ZNRF2: variants seen among roughly 807,000 people sequenced by gnomAD.
ZNRF2 encodes zinc and ring finger 2.
Under a neutral mutation model 20.4 loss-of-function variants are expected in ZNRF2, and 16 were observed. The ratio of observed to expected loss-of-function variants is 0.79; its 90% confidence interval spans 0.53 to 1.19. The LOEUF is 1.19. Among genes scored for constraint, ZNRF2 ranks in the 50% most tolerant of loss-of-function variants. The pLI, the probability that ZNRF2 is intolerant of heterozygous loss-of-function variation, is 0.00. For missense variants in ZNRF2, 363 were observed against 332.4 expected (o/e 1.09, Z -0.72); for synonymous variants, 178 against 144.9 (o/e 1.23, Z -1.64).
At chr7:30,359,499 A>G (rs1450890452) in intron 3 of ZNRF2, among the ~76,000 whole-genome samples, 1 of 152,202 alleles carries the variant, frequency 6.6e-6, no homozygotes, top group Non-Finnish European at 1.5e-5. Flanking sequence ...TACTGGTTCT[A>G]CATAAGATTT....
chr7:30,323,855 G>A (rs1799512002), intron 2 of ZNRF2, 118 bp downstream of exon 2: 1 of 622,236 alleles, frequency 1.6e-6, no homozygotes, highest in Admixed American at 3.8e-5. Context: ...ATTTTTACTA[G>A]TGCATTAATG....
intron 2 of ZNRF2, among the ~76,000 whole-genome samples, chr7:30,329,192 A>G (rs549930475): frequency 1.3e-5 from 2 of 152,330 alleles, no homozygotes; most frequent in East Asian, 3.9e-4. Context: ...ATAGGGGTCC[A>G]TGTGATATTC....
chr7:30,299,145 C>T lies in ZNRF2; in HGVS notation c.469+13319C>T, dbSNP rs553802259. Among the ~76,000 whole-genome samples, 4 of 152,122 alleles carry T rather than the reference C, an allele frequency of 2.6e-5. No homozygotes were observed. In the South Asian group the frequency reaches 8.3e-4, roughly 32 times the overall value. ...CACTCCTATAAAAATTTGGATGATG[C>T]CCCTGGGCGTGGTGGCTCACGCCTG... On this transcript the variant is annotated intron_variant, in intron 1 of 4. Coordinates refer to ENST00000323037, the MANE Select transcript of ZNRF2 (RefSeq NM_147128.4).
At chr7:30,288,750 C>A (rs1270727842) in intron 1 of ZNRF2, 2 of 152,166 alleles carry the variant, frequency 1.3e-5, no homozygotes, top group Non-Finnish European at 2.9e-5. Flanking sequence ...CCTTATTATT[C>A]TTTTCAGACT....
At chr7:30,314,469 G>A (rs1427879964) in intron 1 of ZNRF2, among the ~76,000 whole-genome samples, 1 of 152,096 alleles carries the variant, frequency 6.6e-6, no homozygotes, top group Non-Finnish European at 1.5e-5. Context: ...AGACAGTAAA[G>A]CATGAAGAAT....
At chr7:30,360,579 C>A (rs1037559725) in intron 3 of ZNRF2, among the ~76,000 whole-genome samples, 1 of 151,914 alleles carries the variant, frequency 6.6e-6, no homozygotes, top group African/African-American at 2.4e-5. Context: ...GTAATCCCAG[C>A]TACCCAGGAG....
chr7:30,336,123 A>G (rs1423170086), intron 2 of ZNRF2, among the ~76,000 whole-genome samples: 1 of 152,194 alleles, frequency 6.6e-6, no homozygotes, highest in Admixed American at 6.5e-5. Context: ...ATTACAAAGG[A>G]TGCTTGAATA....
At chr7:30,359,501 A>G (rs745380879) in intron 3 of ZNRF2, among the ~76,000 whole-genome samples, 2 of 152,198 alleles carry the variant, frequency 1.3e-5, no homozygotes, top group East Asian at 3.9e-4. Context: ...CTGGTTCTAC[A>G]TAAGATTTTC....
chr7:30,344,064 C>G (rs973873646), intron 2 of ZNRF2, among the ~76,000 whole-genome samples: 1 of 151,518 alleles, frequency 6.6e-6, no homozygotes, highest in Non-Finnish European at 1.5e-5. Context: ...GGATTACAGG[C>G]GCCTGCCATC....
intron 2 of ZNRF2, 71 bp downstream of exon 2, chr7:30,323,808 G>T: frequency 9.3e-7 from 1 of 1,071,756 alleles, no homozygotes; most frequent in Non-Finnish European, 1.3e-6. Flanking sequence ...CATGTTTCAA[G>T]TATAATTTAA....
chr7:30,295,232 A>C (rs1353534951), intron 1 of ZNRF2, among the ~76,000 whole-genome samples: 1 of 152,108 alleles, frequency 6.6e-6, no homozygotes, highest in Non-Finnish European at 1.5e-5. Flanking sequence ...CCTCCAGCAG[A>C]AAGGACTCAG....
chr7:30,319,639 A>G (rs1344613167), intron 1 of ZNRF2, among the ~76,000 whole-genome samples: 1 of 152,216 alleles, frequency 6.6e-6, no homozygotes, highest in Non-Finnish European at 1.5e-5. Flanking sequence ...AAGGGAGGGA[A>G]TGATCAAGTT....
chr7:30,300,594 G>A (rs191309957), intron 1 of ZNRF2, among the ~76,000 whole-genome samples: 1 of 150,314 alleles, frequency 6.7e-6, no homozygotes, highest in East Asian at 1.9e-4. Context: ...GTTTTTGGAT[G>A]ATATTAAGTG....
intron 1 of ZNRF2, among the ~76,000 whole-genome samples, chr7:30,304,193 C>T (rs1211404581): frequency 6.6e-6 from 1 of 152,124 alleles, no homozygotes; most frequent in Non-Finnish European, 1.5e-5. Flanking sequence ...CCTTTTCTGG[C>T]CTAAGCAGCT....
intron 2 of ZNRF2, among the ~76,000 whole-genome samples, chr7:30,350,703 CTTT>C (rs1309991823): frequency 1.3e-5 from 2 of 151,842 alleles, no homozygotes; most frequent in East Asian, 3.9e-4. Flanking sequence ...ACTTTTTGTT[CTTT>C]GAGTAATTGC....
intron 1 of ZNRF2, among the ~76,000 whole-genome samples, chr7:30,322,579 GTCTC>G (rs758895696): frequency 1.3e-5 from 2 of 151,662 alleles, no homozygotes; most frequent in Non-Finnish European, 2.9e-5. Context: ...GGACACCACT[GTCTC>G]TCTTTTACTT....
chr7:30,354,021 C>G (rs371726898), intron 2 of ZNRF2, among the ~76,000 whole-genome samples: 3 of 151,912 alleles, frequency 2.0e-5, no homozygotes, highest in South Asian at 2.1e-4. Context: ...AGATGCTTCA[C>G]GTTAAACTTG....
At chr7:30,348,489 G>T (rs1023920094) in intron 2 of ZNRF2, among the ~76,000 whole-genome samples, 1 of 152,204 alleles carries the variant, frequency 6.6e-6, no homozygotes, top group South Asian at 2.1e-4. Flanking sequence ...CAAAGGATTG[G>T]CCACATCTGA....
At chr7:30,314,647 G>A (rs1182897764) in intron 1 of ZNRF2, among the ~76,000 whole-genome samples, 3 of 152,056 alleles carry the variant, frequency 2.0e-5, no homozygotes, top group African/African-American at 7.2e-5. Flanking sequence ...ATATGCCAAA[G>A]ACATAAAAAT....
Sources: gnomAD v4.1 joint callset for allele counts (sites outside exome capture counted in the v4.1 genomes callset) on GRCh38, gnomAD v4.1.1 for gene constraint, MANE v1.5 for transcripts, NCBI Gene and HGNC (gene_info 2026-07-23, HGNC 2026-07-21) for gene names.